USH1C: variants seen among roughly 807,000 people sequenced by gnomAD.
USH1C encodes the protein harmonin.
Under a neutral mutation model 119.3 loss-of-function variants are expected in USH1C, and 90 were observed. The observed-to-expected ratio is 0.75, with a 90% confidence interval of 0.64 to 0.90. USH1C has a LOEUF of 0.90. Among genes scored for constraint, USH1C ranks in the 40% least tolerant of loss-of-function variants. The pLI is 0.00. For synonymous variants in USH1C, 465 were observed against 443.3 expected (o/e 1.05, Z -0.62); for missense variants, 1,165 against 1,167.7 (o/e 1.00, Z 0.03).
At chr11:17,543,746 T>G (rs1357751455) in intron 1 of USH1C, among the ~76,000 whole-genome samples, 1 of 152,150 alleles carries the variant, frequency 6.6e-6, no homozygotes, top group Admixed American at 6.5e-5. Flanking sequence ...CACCAGCTCC[T>G]CAGCTACTTC....
At chr11:17,524,767 T>G (rs1299251122) in intron 8 of USH1C, among the ~76,000 whole-genome samples, 1 of 152,250 alleles carries the variant, frequency 6.6e-6, no homozygotes, top group South Asian at 2.1e-4. Flanking sequence ...CTGTTTCTTC[T>G]TTCTTTCTAG....
chr11:17,531,468 TCAAA>T lies in USH1C; in HGVS notation c.175_178del (p.Phe59MetfsTer6). ...CAGTGGGATCAGCGGCCGAATGGCATCAAACAGAGGCAGACGGCTGGGTTCATTG... is the reference window on the plus strand; with the variant it reads ...CAGTGGGATCAGCGGCCGAATGGCATCAGAGGCAGACGGCTGGGTTCATTG... On this transcript the variant is annotated frameshift_variant, in exon 3 of 27. Coordinates refer to ENST00000005226, the MANE Select transcript of USH1C (RefSeq NM_153676.4). LOFTEE classifies it high-confidence loss of function. The surrounding 1 kb of genome is among the most constrained non-coding windows in gnomAD (Gnocchi z 4.2). The T allele has an allele frequency of 6.2e-7, 1 of 1,614,086 alleles. No homozygotes were observed. The highest frequency in any genetic ancestry group is 8.5e-7 in the Non-Finnish European group (1 of 1,180,036).
At chr11:17,494,630 G>C in intron 26 of USH1C, 2 of 580,360 alleles carry the variant, frequency 3.4e-6, no homozygotes, top group Non-Finnish European at 6.2e-6. Flanking sequence ...ACAGGGGCAA[G>C]AGTCCTTTGC....
In USH1C at chr11:17,522,801, C is replaced by T. The variant is rs1286391902; in HGVS notation, c.1002G>A (p.Gln334=). The T allele has an allele frequency of 6.2e-7, 1 of 1,613,908 alleles. No individual in the cohort carries two copies. The highest frequency in any genetic ancestry group is 8.5e-7 in the Non-Finnish European group (1 of 1,180,016). ...AMESNKILQE[Q]QEMERQRRKE... is the part of the protein sequence containing the mutation. Reference sequence around the variant, plus strand: ...GCACTCACTGCCGCTCCATCTCCTGCTGCTCCTGGAGGATCTTGTTGGACT... The same window carrying T: ...GCACTCACTGCCGCTCCATCTCCTGTTGCTCCTGGAGGATCTTGTTGGACT... Residue 334 remains glutamine, a synonymous_variant, in exon 12 of 27, where the codon CAG becomes CAA. Transcript: ENST00000005226.
chr11:17,541,218 G>A (rs764081897), intron 1 of USH1C, among the ~76,000 whole-genome samples: 8 of 151,990 alleles, frequency 5.3e-5, no homozygotes, highest in Non-Finnish European at 1.0e-4. Context: ...TTTTTTCATA[G>A]AATTTATCAC....
chr11:17,530,569 T>C (rs1850917380), intron 4 of USH1C, among the ~76,000 whole-genome samples: 1 of 152,262 alleles, frequency 6.6e-6, no homozygotes. Flanking sequence ...ACAGCATTTG[T>C]ATGCCAGGCC....
intron 23 of USH1C, among the ~76,000 whole-genome samples, chr11:17,498,853 T>C: frequency 6.6e-6 from 1 of 152,244 alleles, no homozygotes; most frequent in East Asian, 1.9e-4. Context: ...TTACTGATGG[T>C]CTCTCCCACC....
intron 16 of USH1C, 99 bp from the exon 17 acceptor site, chr11:17,510,620 A>G: frequency 1.1e-6 from 1 of 920,138 alleles, no homozygotes; most frequent in South Asian, 1.3e-5. Context: ...GAAACTCCAG[A>G]GTACTGTGAG....
rs1267631833 is a variant in USH1C at position 17,544,399 on chromosome 11, C to A, written c.-92G>T. ...GGAAAGAGCCGCGACCGCGACCGGG[C>A]CAGCCGCCCTCGGAGCTGGGGGCGG... On this transcript the variant is annotated 5_prime_UTR_variant, in exon 1 of 27. Transcript: ENST00000005226. 1.9e-6 allele frequency: 3 copies of A among 1,584,236 alleles called. No homozygotes were observed. The highest frequency in any genetic ancestry group is 1.1e-5 in the South Asian group (1 of 89,472).
intron 20 of USH1C, 125 bp downstream of exon 20, chr11:17,504,522 G>A (rs1849569297): frequency 1.9e-6 from 2 of 1,059,290 alleles, no homozygotes; most frequent in Admixed American, 3.5e-5. Context: ...TCTGGCCTGA[G>A]GCTTGGTGGC....
Position 17,531,999 on chromosome 11 carries a change from G to C in USH1C, c.105-457C>G, listed in dbSNP as rs1851009166. On this transcript the variant is annotated intron_variant, in intron 2 of 26. Coordinates refer to ENST00000005226, the MANE Select transcript of USH1C (RefSeq NM_153676.4). The surrounding 1 kb of genome is among the most constrained non-coding windows in gnomAD (Gnocchi z 4.2). ...GCAGCTGCCTGCCCATGTACTCACT[G>C]TCACGTCATCTTTTCTCAGTGTAAG... Among the ~76,000 whole-genome samples the C allele has an allele frequency of 6.6e-6, 1 of 152,156 alleles. No homozygotes were observed. Among genetic ancestry groups the C allele is most frequent in the African/African-American group, 2.4e-5 (1 of 41,426 alleles).
In USH1C at chr11:17,496,880, A is replaced by G. The variant is rs979976883; in HGVS notation, c.2491-67T>C. 8.8e-6 allele frequency: 14 copies of G among 1,589,594 alleles called. No individual in the cohort carries two copies. In the African/African-American group the frequency reaches 1.7e-4, roughly 20 times the overall value. On this transcript the variant is annotated intron_variant, in intron 24 of 26. Coordinates refer to ENST00000005226, the MANE Select transcript of USH1C (RefSeq NM_153676.4). Reference sequence around the variant, plus strand: ...GATGGTGCATCTGCCCCGGCACTCCATCCCCATTTCTGGGCCCCATGGCCT... The same window carrying G: ...GATGGTGCATCTGCCCCGGCACTCCGTCCCCATTTCTGGGCCCCATGGCCT...
intron 1 of USH1C, among the ~76,000 whole-genome samples, chr11:17,539,160 A>G (rs1192998279): frequency 6.6e-6 from 1 of 152,068 alleles, no homozygotes; most frequent in Admixed American, 6.5e-5. Context: ...TTCTTGGCCA[A>G]GTCTTTCCTT....
chr11:17,542,468 C>T (rs953667328), intron 1 of USH1C, among the ~76,000 whole-genome samples: 4 of 152,256 alleles, frequency 2.6e-5, no homozygotes, highest in Non-Finnish European at 5.9e-5. Flanking sequence ...CCTGCCCTGC[C>T]TGCACACAGG....
At chr11:17,505,218 G>A (rs1457887764) in intron 19 of USH1C, among the ~76,000 whole-genome samples, 2 of 152,266 alleles carry the variant, frequency 1.3e-5, no homozygotes, top group Non-Finnish European at 2.9e-5. Flanking sequence ...CACAGTGAGA[G>A]GTGAGAAGTA....
intron 1 of USH1C, 117 bp downstream of exon 1, chr11:17,544,155 A>G: frequency 3.5e-6 from 5 of 1,414,234 alleles, no homozygotes; most frequent in Non-Finnish European, 5.0e-6. Context: ...TCCCAGCCCA[A>G]CCAGAGCCAT....
chr11:17,538,462 C>T (rs1851316622), intron 1 of USH1C, among the ~76,000 whole-genome samples: 1 of 152,128 alleles, frequency 6.6e-6, no homozygotes, highest in Non-Finnish European at 1.5e-5. Flanking sequence ...GAAGATTCAA[C>T]TTTAGGTGTG....
chr11:17,521,267 G>A (rs1850400691), intron 13 of USH1C, 79 bp downstream of exon 13: 1 of 1,486,588 alleles, frequency 6.7e-7, no homozygotes, highest in South Asian at 1.1e-5. Context: ...ACTGGTTCTG[G>A]AGGCAGCCTC....
chr11:17,520,737 A>G lies in USH1C; in HGVS notation c.1210+133T>C, dbSNP rs1850372683. 1.4e-5 allele frequency: 15 copies of G among 1,103,966 alleles called. No individual in the cohort carries two copies. In the Admixed American group the frequency reaches 2.6e-4, roughly 19 times the overall value. 68.4% of individuals were successfully genotyped at this position (1,103,966 alleles called of 1,614,324 possible). On this transcript the variant is annotated intron_variant, in intron 14 of 26. Transcript: ENST00000005226. ...CTGGGGCAGATGGTCTCTGACCCAC[A>G]GCTGCCCCTCCATGAAGGAACCACA...
Sources: allele counts gnomAD v4.1 joint callset (sites outside exome capture counted in the v4.1 genomes callset), GRCh38; gene constraint gnomAD v4.1.1; non-coding constraint Gnocchi (gnomAD v3.1); transcripts MANE v1.5; gene names NCBI Gene and HGNC (gene_info 2026-07-23, HGNC 2026-07-21).